Variants in LRIG3 observed in about 807,000 individuals in gnomAD.
The protein encoded by LRIG3 is leucine rich repeats and immunoglobulin like domains 3, also known as leucine-rich repeats and immunoglobulin-like domains protein 3.
In LRIG3, 76 loss-of-function variants were observed where a neutral mutation model predicts 114.5. The observed-to-expected ratio is 0.66, with a 90% confidence interval of 0.55 to 0.80. The LOEUF is 0.80. Ranked by LOEUF, LRIG3 falls within the 30% of genes least tolerant of loss-of-function variation. The pLI, the probability that LRIG3 is intolerant of heterozygous loss-of-function variation, is 0.00. For missense variants in LRIG3, 1,239 were observed against 1,382.8 expected, an observed-to-expected ratio of 0.90 and a Z score of 1.65; for synonymous variants, 512 against 519.8, an observed-to-expected ratio of 0.98 and a Z score of 0.20.
At chr12:58,914,119 G>T (rs1193893324) in intron 2 of LRIG3, 63 bp from the exon 3 acceptor site, 1 of 1,555,040 alleles carries the variant, frequency 6.4e-7, no homozygotes, top group East Asian at 2.2e-5. Flanking sequence ...ATTCACAGAG[G>T]TGAAAACTTT....
At chr12:58,919,967 C>T (rs1270848064) in intron 1 of LRIG3, 33 bp downstream of exon 1, 9 of 1,539,722 alleles carry the variant, frequency 5.8e-6, no homozygotes, top group Non-Finnish European at 7.9e-6. Context: ...TCCAGCGGCC[C>T]GGGCCCCCTC....
intron 3 of LRIG3, among the ~76,000 whole-genome samples, chr12:58,912,267 C>T (rs923988273): frequency 1.3e-5 from 2 of 152,066 alleles, no homozygotes; most frequent in Non-Finnish European, 2.9e-5. Context: ...GAGGCCGAGG[C>T]GGGAGGATTA....
chr12:58,890,027 TG>T lies in LRIG3; in HGVS notation c.627del (p.Lys210ArgfsTer13). 3 of 1,613,818 alleles carry T rather than the reference TG, an allele frequency of 1.9e-6. No homozygotes were observed. The highest frequency in any genetic ancestry group is 2.5e-6 in the Non-Finnish European group (3 of 1,179,818). On this transcript the variant is annotated frameshift_variant, in exon 5 of 19. Transcript: ENST00000320743. LOFTEE classifies it high-confidence loss of function. ...TGCAGTTGGGGCAGTTTAAACATCT[TG>T]GGTGGGATAGCTGAGATTCGGTTCC... ...LNRNRISAIP[P>X]KMFKLPQLQH...
intron 3 of LRIG3, among the ~76,000 whole-genome samples, chr12:58,897,310 A>G (rs1456969517): frequency 1.3e-5 from 2 of 152,218 alleles, no homozygotes; most frequent in Non-Finnish European, 2.9e-5. Flanking sequence ...TTTCAGCAAA[A>G]AGTCAGGTCA....
At chr12:58,885,459 A>C (rs752409822) in intron 10 of LRIG3, among the ~76,000 whole-genome samples, 12 of 152,182 alleles carry the variant, frequency 7.9e-5, no homozygotes, top group Admixed American at 4.6e-4. Context: ...TCTGACTAAG[A>C]ATTAAATGAG....
rs777612537 is a variant in LRIG3 at position 58,887,928 on chromosome 12, G to T, written c.952C>A (p.Leu318Ile). The change falls in exon 8 of 19, where the codon CTA becomes ATA. Residue 318 changes from leucine to isoleucine, a missense_variant. Coordinates refer to ENST00000320743, the MANE Select transcript of LRIG3 (RefSeq NM_153377.5). ...AACCTTGATAAGTGATTGAAAGTTA[G>T]GTCCCTGTAAAGAAAAAAGAGAAAA... ...EFCQKLSELD[L>I]TFNHLSRLDD... 9.9e-6 allele frequency: 16 copies of T among 1,608,894 alleles called. No homozygotes were observed. In the South Asian group the frequency reaches 1.7e-4, roughly 17 times the overall value.
rs2120908701 is a variant in LRIG3 at position 58,888,376 on chromosome 12, G to A, written c.900C>T (p.Asn300=). Residue 300 remains asparagine (N), a synonymous_variant, in exon 7 of 19, where the codon AAC becomes AAT. Transcript: ENST00000320743. ...QELHLSQNAI[N]RISPDAWEFC... is the part of the protein sequence containing the mutation. ...ACTCCCAGGCATCAGGGCTGATCCTGTTGATGGCATTTTGGCTGAGATGAA... is the reference window on the plus strand; with the variant it reads ...ACTCCCAGGCATCAGGGCTGATCCTATTGATGGCATTTTGGCTGAGATGAA... The A allele has an allele frequency of 1.2e-6, 2 of 1,613,904 alleles. No homozygotes were observed. Among genetic ancestry groups the A allele is most frequent in the Non-Finnish European group, 8.5e-7 (1 of 1,179,848 alleles).
Position 58,917,231 on chromosome 12 carries a change from T to C in LRIG3, c.236+2769A>G, listed in dbSNP as rs144304766. 7.2e-5 allele frequency among the ~76,000 whole-genome samples: 11 copies of C among 152,332 alleles called. No individual in the cohort carries two copies. In the East Asian group the frequency reaches 2.1e-3, roughly 29 times the overall value. ...ACCTTTGGGACTTTCGCCTGGGTCC[T>C]GTTGAGAACTCAAACATTTCTACAT... On this transcript the variant is annotated intron_variant, in intron 1 of 18. Coordinates refer to ENST00000320743, the MANE Select transcript of LRIG3 (RefSeq NM_153377.5).
At position 58,877,699 on chromosome 12, in the gene LRIG3, G is replaced by C. The variant is rs1403390804; in HGVS notation, c.2237C>G (p.Ala746Gly). Residue 746 changes from alanine (A) to glycine (G), a missense_variant, in exon 15 of 19, where the codon GCA becomes GGA. Transcript: ENST00000320743. ...AATAATCAGAAGCTGATTGCCTGCT[G>C]CAAAAAAGTGCCTCTCGGTTACCAC... ...PLVVTERHFFAAGNQLLIIVD... is the reference protein window; with the variant it reads ...PLVVTERHFFGAGNQLLIIVD... 1 of 1,614,000 alleles carries C rather than the reference G, an allele frequency of 6.2e-7. No individual in the cohort carries two copies. The highest frequency in any genetic ancestry group is 1.3e-5 in the African/African-American group (1 of 74,902).
At chr12:58,888,734 G>C in intron 6 of LRIG3, 85 bp downstream of exon 6, 1 of 1,500,824 alleles carries the variant, frequency 6.7e-7, no homozygotes, top group Non-Finnish European at 9.0e-7. Context: ...TTTTAACATA[G>C]GATTTCACAT....
At chr12:58,913,916 C>A in intron 3 of LRIG3, 66 bp downstream of exon 3, 2 of 1,337,482 alleles carry the variant, frequency 1.5e-6, no homozygotes, top group South Asian at 1.2e-5. Context: ...CTATGCTAGT[C>A]CCTATGGAAC....
chr12:58,917,801 TG>T (rs1872534878), intron 1 of LRIG3, among the ~76,000 whole-genome samples: 1 of 152,188 alleles, frequency 6.6e-6, no homozygotes, highest in Non-Finnish European at 1.5e-5. Context: ...AGGTAAGATA[TG>T]GGGAACAAAA....
rs1870979226 is a variant in LRIG3, at chr12:58,877,788, T to A, written c.2148A>T (p.Leu716=). The A allele has an allele frequency of 1.2e-6, 2 of 1,614,044 alleles. No homozygotes were observed. The highest frequency in any genetic ancestry group is 2.2e-5 in the South Asian group (2 of 91,090). The part of the protein sequence containing the change: ...RTVTKGETAV[L]QCIAGGSPPP... ...GAGGGCTTCCTCCAGCAATGCACTG[T>A]AGGACGGCTGTTTCTCCCTTGGTTA... Residue 716 remains leucine (L), a synonymous_variant, in exon 15 of 19, where the codon CTA becomes CTT. Coordinates refer to ENST00000320743, the MANE Select transcript of LRIG3 (RefSeq NM_153377.5).
intron 3 of LRIG3, among the ~76,000 whole-genome samples, chr12:58,897,432 A>T (rs1871682552): frequency 6.7e-6 from 1 of 148,206 alleles, no homozygotes; most frequent in African/African-American, 2.4e-5. Flanking sequence ...CACCAGTCAT[A>T]ACACATGTTA....
intron 3 of LRIG3, among the ~76,000 whole-genome samples, chr12:58,895,513 G>A (rs1204870135): frequency 6.6e-6 from 1 of 152,196 alleles, no homozygotes; most frequent in Non-Finnish European, 1.5e-5. Flanking sequence ...TGATGGCTAA[G>A]TACAGAGTGC....
rs183370304 is a variant in LRIG3 at position 58,876,958 on chromosome 12, T to A, written c.2537-355A>T. On this transcript the variant is annotated intron_variant, in intron 15 of 18. Coordinates refer to ENST00000320743, the MANE Select transcript of LRIG3 (RefSeq NM_153377.5). Reference sequence around the variant, plus strand: ...TTATTGCCATATTCCCTTCTTAATATTACTAATCAATATCTGACTTTGCAC... The same window carrying A: ...TTATTGCCATATTCCCTTCTTAATAATACTAATCAATATCTGACTTTGCAC... Among the ~76,000 whole-genome samples, 31 of 152,314 alleles carry A rather than the reference T, an allele frequency of 2.0e-4. No homozygotes were observed. The East Asian group carries it at 4.3e-3, about 21-fold the overall frequency.
chr12:58,890,233 T>A (rs1871410272), intron 4 of LRIG3, 94 bp from the exon 5 acceptor site: 13 of 1,291,890 alleles, frequency 1.0e-5, no homozygotes, highest in Non-Finnish European at 1.4e-5. Flanking sequence ...CCAGAGAACT[T>A]AACCATCAAT....
chr12:58,886,877 T>C lies in LRIG3; in HGVS notation c.1105A>G (p.Asn369Asp). ...SSLKTLDLKN[N>D]EISWTIEDMN... Reference sequence around the variant, plus strand: ...TCTTCAATAGTCCAGGAAATTTCATTGTTCTTCAGATCCCTAATTTTAAAA... The same window carrying C: ...TCTTCAATAGTCCAGGAAATTTCATCGTTCTTCAGATCCCTAATTTTAAAA... Residue 369 changes from asparagine to aspartate, a missense_variant, in exon 9 of 19, where the codon AAT becomes GAT. By Grantham distance (23) the Asn-to-Asp change is conservative. Coordinates refer to ENST00000320743, the MANE Select transcript of LRIG3 (RefSeq NM_153377.5). The C allele has an allele frequency of 1.2e-6, 2 of 1,613,290 alleles. No individual in the cohort carries two copies. Among genetic ancestry groups the C allele is most frequent in the Non-Finnish European group, 1.7e-6 (2 of 1,179,420 alleles).
rs969747088 is a variant in LRIG3, at chr12:58,913,920, A to G, written c.383+62T>C. ...TTCTAAGATCTCTATGCTAGTCCCT[A>G]TGGAACTCCCACTCAAGGTTCCTGC... On this transcript the variant is annotated intron_variant, in intron 3 of 18. Coordinates refer to ENST00000320743, the MANE Select transcript of LRIG3 (RefSeq NM_153377.5). The G allele has an allele frequency of 2.7e-5, 38 of 1,398,820 alleles. No homozygotes were observed. The Middle Eastern group carries it at 1.3e-3, about 46-fold the overall frequency. The allele number at this position is 1,398,820 out of a possible 1,614,324, so 86.7% of individuals were successfully genotyped here. A position where few individuals can be genotyped will look rare whatever the true frequency, so the allele number is the denominator to read the frequency against.
Sources: allele counts gnomAD v4.1 joint callset (sites outside exome capture counted in the v4.1 genomes callset), GRCh38; gene constraint gnomAD v4.1.1; transcripts MANE v1.5; gene names NCBI Gene and HGNC (gene_info 2026-07-23, HGNC 2026-07-21).